Variants in MAST2 observed in about 807,000 individuals in gnomAD.
The protein encoded by MAST2 is microtubule-associated serine/threonine-protein kinase 2.
In MAST2, 70 loss-of-function variants were observed where a neutral mutation model predicts 147.4. The ratio of observed to expected loss-of-function variants is 0.47; its 90% CI spans 0.39 to 0.58. MAST2 has a LOEUF of 0.58. MAST2 is among the 20% of genes least tolerant of loss of function. The pLI is 0.00. For synonymous variants in MAST2, 869 were observed against 896.8 expected, an observed-to-expected ratio of 0.97 and a Z score of 0.55; for missense variants, 2,080 against 2,302.3, an observed-to-expected ratio of 0.90 and a Z score of 1.98.
chr1:45,855,004 C>T (rs1050952021), intron 3 of MAST2, among the ~76,000 whole-genome samples: 1 of 152,190 alleles, frequency 6.6e-6, no homozygotes, highest in Non-Finnish European at 1.5e-5. Context: ...CTCCAGGTAC[C>T]TGCATGTGGT....
At chr1:45,995,057 G>T (rs1645002498) in intron 5 of MAST2, among the ~76,000 whole-genome samples, 1 of 151,842 alleles carries the variant, frequency 6.6e-6, no homozygotes, top group Non-Finnish European at 1.5e-5. Flanking sequence ...AACCAGGATG[G>T]TCTCGATCTC....
chr1:45,925,353 A>G (rs373025449), intron 4 of MAST2, among the ~76,000 whole-genome samples: 3 of 152,252 alleles, frequency 2.0e-5, no homozygotes, highest in East Asian at 3.8e-4. Context: ...GAACCTTAAG[A>G]GGCATAATAA....
intron 3 of MAST2, among the ~76,000 whole-genome samples, chr1:45,875,615 G>A (rs2148220990): frequency 6.6e-6 from 1 of 152,174 alleles, no homozygotes; most frequent in African/African-American, 2.4e-5. Context: ...GATGATGGTG[G>A]CTTGTGCCCG....
chr1:45,839,921 C>A (rs1037722033), intron 3 of MAST2, among the ~76,000 whole-genome samples: 4 of 152,272 alleles, frequency 2.6e-5, no homozygotes, highest in Non-Finnish European at 5.9e-5. Flanking sequence ...AAACAATTCA[C>A]ACAAAAATAT....
intron 5 of MAST2, among the ~76,000 whole-genome samples, chr1:45,993,763 G>A (rs546356524): frequency 6.6e-6 from 1 of 152,134 alleles, no homozygotes; most frequent in South Asian, 2.1e-4. Flanking sequence ...CAAGGGCCCA[G>A]GCTGCTACAA....
intron 5 of MAST2, among the ~76,000 whole-genome samples, chr1:45,987,871 A>G (rs576717392): frequency 7.4e-6 from 1 of 135,238 alleles, no homozygotes; most frequent in Non-Finnish European, 1.5e-5. Context: ...TTTTGGGTTC[A>G]GGTGGTCCTC....
At chr1:45,943,053 G>T (rs1657535911) in intron 4 of MAST2, among the ~76,000 whole-genome samples, 1 of 152,204 alleles carries the variant, frequency 6.6e-6, no homozygotes, top group Admixed American at 6.5e-5. Context: ...AAGGAAATTT[G>T]AGCTGAGAAG....
intron 5 of MAST2, among the ~76,000 whole-genome samples, chr1:45,965,192 T>C (rs1447895048): frequency 2.0e-5 from 3 of 152,180 alleles, no homozygotes; most frequent in Non-Finnish European, 1.5e-5. Context: ...GAATGTATAT[T>C]CTGTTGATTT....
chr1:46,027,597 C>T (rs1424013084), intron 16 of MAST2, 134 bp from the exon 17 acceptor site: 3 of 910,722 alleles, frequency 3.3e-6, no homozygotes, highest in Non-Finnish European at 5.0e-6. Flanking sequence ...GCCTGTCCCC[C>T]CAGCTGAAGC....
intron 4 of MAST2, among the ~76,000 whole-genome samples, chr1:45,900,195 A>AAAAAAAAAAAAATT (rs1553226994): frequency 8.4e-4 from 78 of 93,114 alleles, no homozygotes; most frequent in East Asian, 1.2e-3. Flanking sequence ...AAAAAAAAAA[A>AAAAAAAAAAAAATT]GATTTACCCT....
intron 3 of MAST2, among the ~76,000 whole-genome samples, chr1:45,830,152 C>G (rs537818758): frequency 6.8e-6 from 1 of 147,908 alleles, no homozygotes; most frequent in African/African-American, 2.5e-5. Flanking sequence ...CCACCACTCC[C>G]GGCCTTAAGA....
intron 4 of MAST2, among the ~76,000 whole-genome samples, chr1:45,919,921 G>T (rs532902528): frequency 6.6e-6 from 1 of 151,660 alleles, no homozygotes; most frequent in Non-Finnish European, 1.5e-5. Flanking sequence ...ATTTTAGCTT[G>T]TTGTTTGCTA....
chr1:45,989,756 C>T (rs1043526011), intron 5 of MAST2, among the ~76,000 whole-genome samples: 6 of 152,122 alleles, frequency 3.9e-5, no homozygotes, highest in East Asian at 1.9e-4. Context: ...CATCATTTCC[C>T]GCTGGCACCA....
chr1:46,029,952 CAGTA>C lies in MAST2; in HGVS notation c.2443+2_2443+5del, dbSNP rs760072591. 6.2e-7 allele frequency: 1 copy of C among 1,614,072 alleles called. No homozygotes were observed. The highest frequency in any genetic ancestry group is 8.5e-7 in the Non-Finnish European group (1 of 1,179,994). ...CAGAGGATGATACTAGCTATTTTGA[CAGTA>C]AGGCCACCGATGGGTGGGGTGGAGG... On this transcript the variant is annotated splice_donor_variant and splice_donor_region_variant and coding_sequence_variant and intron_variant, in exon 20 of 29. Coordinates refer to ENST00000361297, the MANE Select transcript of MAST2 (RefSeq NM_015112.3). LOFTEE classifies it high-confidence loss of function.
At chr1:45,910,613 T>C (rs763358973) in intron 4 of MAST2, among the ~76,000 whole-genome samples, 2 of 152,232 alleles carry the variant, frequency 1.3e-5, no homozygotes, top group Non-Finnish European at 2.9e-5. Context: ...AGCTAAATTA[T>C]GAGTACCTTC....
chr1:45,866,371 T>C (rs1557846841), intron 3 of MAST2, among the ~76,000 whole-genome samples: 2 of 152,216 alleles, frequency 1.3e-5, no homozygotes, highest in Non-Finnish European at 2.9e-5. Flanking sequence ...AGTATTTATT[T>C]AGTACTGTAC....
chr1:45,936,188 C>G (rs1656162700), intron 4 of MAST2, among the ~76,000 whole-genome samples: 1 of 152,106 alleles, frequency 6.6e-6, no homozygotes, highest in Non-Finnish European at 1.5e-5. Flanking sequence ...GGATTTGACC[C>G]TCAGCTTGGA....
rs1649612848 is a variant in MAST2, at chr1:45,900,614, C to T, written c.500+18219C>T. 4.9e-5 allele frequency among the ~76,000 whole-genome samples: 2 copies of T among 40,424 alleles called. 1 individual carries two copies. The highest frequency in any genetic ancestry group is 8.0e-5 in the Non-Finnish European group (2 of 25,070). 26.5% of individuals were successfully genotyped at this position (40,424 alleles called of 152,430 possible). A position where few individuals can be genotyped will look rare whatever the true frequency, so the allele number is the denominator to read the frequency against. ...CCGAGTAGCTGGGACTACAGGCGCC[C>T]GCCACCGCGCCCGGCTAATTTTTTG... On this transcript the variant is annotated intron_variant, in intron 4 of 28. Transcript: ENST00000361297.
rs575016059 is a variant in MAST2, at chr1:45,883,076, T to C, written c.500+681T>C. Among the ~76,000 whole-genome samples, 7 of 152,270 alleles carry C rather than the reference T, an allele frequency of 4.6e-5. No homozygotes were observed. The East Asian group carries it at 1.3e-3, about 29-fold the overall frequency. On this transcript the variant is annotated intron_variant, in intron 4 of 28. Transcript: ENST00000361297. ...ATCTCTGTGTTGGGGCCCAAAAACCTGTACTGTATATACCTAAAACATACT... is the reference window on the plus strand; with the variant it reads ...ATCTCTGTGTTGGGGCCCAAAAACCCGTACTGTATATACCTAAAACATACT...
Sources: allele counts gnomAD v4.1 joint callset (sites outside exome capture counted in the v4.1 genomes callset), GRCh38; gene constraint gnomAD v4.1.1; transcripts MANE v1.5; gene names NCBI Gene and HGNC (gene_info 2026-07-23, HGNC 2026-07-21).